Variants in DIDO1 observed in about 807,000 individuals in gnomAD.
DIDO1 encodes the protein death inducer-obliterator 1, also known as death-inducer obliterator 1.
DIDO1 carries 16 observed loss-of-function variants against 99.4 expected under a neutral mutation model. The observed-to-expected ratio is 0.16, with a 90% CI of 0.11 to 0.24. The LOEUF is 0.24. DIDO1 is among the 10% of genes least tolerant of loss of function. The pLI is 1.00. For missense variants in DIDO1, 2,996 were observed against 3,014.0 expected (o/e 0.99, Z 0.14); for synonymous variants, 1,366 against 1,239.1 (o/e 1.10, Z -2.15).
chr20:62,894,101 C>A lies in DIDO1; in HGVS notation c.2666G>T (p.Ser889Ile), dbSNP rs767073365. ...KKEDLKSKHD[S>I]SAPDPAPDSA... ...ATCCGGAGCTGGGTCAGGTGCAGAG[C>A]TGTCATGCTTTGATTTTAAGTCTTC... Residue 889 changes from serine to isoleucine, a missense_variant, in exon 12 of 16, where the codon AGC (serine) becomes ATC (isoleucine). Transcript: ENST00000395343. The surrounding 1 kb of genome is among the most constrained non-coding windows in gnomAD (Gnocchi z 4.4). 2.9e-5 allele frequency: 47 copies of A among 1,614,116 alleles called. No homozygotes were observed. The highest frequency in any genetic ancestry group is 3.9e-5 in the Non-Finnish European group (46 of 1,180,056).
rs1197053912 is a variant in DIDO1, at chr20:62,909,823, T to C, written c.1037A>G (p.Asp346Gly). ...QEAKWRPGDADGTDCTSIGTI... is the reference protein window; with the variant it reads ...QEAKWRPGDAGGTDCTSIGTI... ...TCCTATACTTGTACAATCGGTGCCA[T>C]CAGCATCTCCAGGTCTCCATTTAGC... is the stretch of plus-strand genomic sequence containing the variant. Residue 346 changes from aspartate to glycine, a missense_variant, in exon 4 of 16, where the codon GAT becomes GGT. Transcript: ENST00000395343. The C allele has an allele frequency of 6.2e-7, 1 of 1,614,134 alleles. No homozygotes were observed. The highest frequency in any genetic ancestry group is 8.5e-7 in the Non-Finnish European group (1 of 1,180,052).
chr20:62,884,814 A>G (rs569581531), intron 15 of DIDO1, among the ~76,000 whole-genome samples: 4 of 151,278 alleles, frequency 2.6e-5, no homozygotes, highest in Admixed American at 2.0e-4. Context: ...CCTCCTCTTC[A>G]CTCTCTGTCC....
chr20:62,905,244 T>C (rs967899784), intron 6 of DIDO1: 6 of 1,317,246 alleles, frequency 4.6e-6, no homozygotes, highest in Middle Eastern at 2.9e-4. Flanking sequence ...GTTCTAGGTG[T>C]GAACTCACTT....
In DIDO1 at chr20:62,911,458, G is replaced by A. The variant is rs1370592318; in HGVS notation, c.155C>T (p.Pro52Leu). ...GGACAGGCCCAGCTGCTGCTGTGGGGGTGGCGGCTCCAGTGGGTCAGCCTC... is the reference window on the plus strand; with the variant it reads ...GGACAGGCCCAGCTGCTGCTGTGGGAGTGGCGGCTCCAGTGGGTCAGCCTC... ...DAEADPLEPP[P>L]PQQQLGLSLR... The change falls in exon 3 of 16, where the codon CCC becomes CTC. Residue 52 changes from proline to leucine, a missense_variant. This residue lies in a region of DIDO1 where 388 missense variants were observed against 376.6 expected (regional missense o/e 1.03). Transcript: ENST00000395343. This position sits in a 1 kb window ranked among gnomAD's most constrained non-coding sequence, Gnocchi z 7.0. 8 of 1,612,184 alleles carry A rather than the reference G, an allele frequency of 5.0e-6. No individual in the cohort carries two copies. In the East Asian group the frequency reaches 1.8e-4, roughly 36 times the overall value.
In DIDO1 at chr20:62,894,135, C is replaced by T. The variant is rs990318115; in HGVS notation, c.2632G>A (p.Val878Ile). The T allele has an allele frequency of 4.3e-6, 7 of 1,614,098 alleles. No individual in the cohort carries two copies. In the Admixed American group the frequency reaches 6.7e-5, roughly 15 times the overall value. Reference sequence around the variant, plus strand: ...TTTGATTTTAAGTCTTCTTTCTTAACAGAAGCTGACAATTTTTGTTTTTTC... The same window carrying T: ...TTTGATTTTAAGTCTTCTTTCTTAATAGAAGCTGACAATTTTTGTTTTTTC... ...APKKQKLSAS[V>I]KKEDLKSKHD... Residue 878 changes from valine (V) to isoleucine (I), a missense_variant, in exon 12 of 16, where the codon GTT (valine) becomes ATT (isoleucine). By Grantham distance (29) the Val-to-Ile change is conservative. This residue lies in a region of DIDO1 where 898 missense variants were observed against 972.7 expected (regional missense o/e 0.92). Transcript: ENST00000395343. The surrounding 1 kb of genome is among the most constrained non-coding windows in gnomAD (Gnocchi z 4.4).
intron 6 of DIDO1, chr20:62,905,605 A>G: frequency 6.4e-7 from 1 of 1,551,884 alleles, no homozygotes; most frequent in Non-Finnish European, 8.7e-7. Flanking sequence ...CCAGAGCCTG[A>G]GAGTGAAAAC....
intron 1 of DIDO1, among the ~76,000 whole-genome samples, chr20:62,922,652 C>T (rs2065177788): frequency 6.6e-6 from 1 of 152,188 alleles, no homozygotes; most frequent in Non-Finnish European, 1.5e-5. Flanking sequence ...TTTTCTGAAG[C>T]GACATCCTGT....
intron 1 of DIDO1, among the ~76,000 whole-genome samples, chr20:62,932,880 C>T (rs2065345264): frequency 6.6e-6 from 1 of 152,188 alleles, no homozygotes; most frequent in Non-Finnish European, 1.5e-5. Context: ...AGTGAAGATT[C>T]TTTACAGGGT....
At chr20:62,929,692 AGTGT>A (rs1270790657), upstream of DIDO1, among the ~76,000 whole-genome samples, 20 of 63,722 alleles carry the variant, frequency 3.1e-4, no homozygotes, top group African/African-American at 1.4e-3. Context: ...AAAAAGAAAA[AGTGT>A]ATATATATAT....
At chr20:62,921,536 T>C (rs117784873) in intron 1 of DIDO1, among the ~76,000 whole-genome samples, 1,569 of 152,272 alleles carry the variant, frequency 0.01, 14 homozygotes, top group South Asian at 0.024. Flanking sequence ...CCAAGTGAGA[T>C]GATGGCCACC....
At position 62,880,730 on chromosome 20, in the gene DIDO1, T is replaced by C; in HGVS notation, c.5226A>G (p.Lys1742=). ...GAAACGGGGGCTGAGAGCCCCCCAC[T>C]TTCTGTCCTGGTGGGGGGAGCGGGG... is the stretch of plus-strand genomic sequence containing the variant. ...GTAPLPPPGQ[K]VGGSQPPFQG... is the part of the protein sequence containing the mutation. The change falls in exon 16 of 16, where the codon AAA becomes AAG. Residue 1742 remains lysine (K), a synonymous_variant. Transcript: ENST00000395343. 1.2e-6 allele frequency: 2 copies of C among 1,612,682 alleles called. No individual in the cohort carries two copies. The highest frequency in any genetic ancestry group is 1.7e-6 in the Non-Finnish European group (2 of 1,179,872).
Position 62,907,959 on chromosome 20 carries a change from GC to G in DIDO1, c.1162-601del, listed in dbSNP as rs539073432. ...ATGAGTAATTTTTCAGTGTAAGTAT[GC>G]CCCCCAAATTGCATGAAACATACTT... On this transcript the variant is annotated intron_variant, in intron 4 of 15. Coordinates refer to ENST00000395343, the MANE Select transcript of DIDO1 (RefSeq NM_001193369.2). Among the ~76,000 whole-genome samples the G allele has an allele frequency of 6.8e-4, 103 of 152,200 alleles. 1 individual carries two copies. The highest frequency in any genetic ancestry group is 2.0e-3 in the African/African-American group (85 of 41,524).
chr20:62,937,575 T>TA (rs1433066113), intron 1 of DIDO1, among the ~76,000 whole-genome samples: 2 of 152,004 alleles, frequency 1.3e-5, no homozygotes, highest in Non-Finnish European at 2.9e-5. Flanking sequence ...ACATCTCGAG[T>TA]AAAGCGGGGG....
chr20:62,927,736 C>T (rs1461555410), upstream of DIDO1, among the ~76,000 whole-genome samples: 2 of 152,186 alleles, frequency 1.3e-5, no homozygotes, highest in African/African-American at 2.4e-5. Context: ...TTAATAATAC[C>T]GCTGAAGATT....
Position 62,893,738 on chromosome 20 carries a change from T to G in DIDO1, c.3029A>C (p.Lys1010Thr), listed in dbSNP as rs1175447367. ...KPVLTSVMVP[K>T]SILAKPSSSP... ...TGAGGATGGCTTAGCTAGTATGGAC[T>G]TGGGCACCATCACAGAAGTCAAGAC... The change falls in exon 12 of 16, where the codon AAG (lysine) becomes ACG (threonine). Residue 1010 changes from lysine (K) to threonine (T), a missense_variant. By Grantham distance (78) the Lys-to-Thr change is moderately conservative. Coordinates refer to ENST00000395343, the MANE Select transcript of DIDO1 (RefSeq NM_001193369.2). The G allele has an allele frequency of 8.7e-6, 14 of 1,614,092 alleles. No homozygotes were observed. The highest frequency in any genetic ancestry group is 1.1e-5 in the Non-Finnish European group (13 of 1,180,030).
Position 62,879,126 on chromosome 20 carries a change from C to G in DIDO1, c.*107G>C. ...CACAAAATTACAGTAATGTTTAAGT[C>G]CAGAATATTCTATCCTGAATCTAAG... On this transcript the variant is annotated 3_prime_UTR_variant, in exon 16 of 16. Coordinates refer to ENST00000395343, the MANE Select transcript of DIDO1 (RefSeq NM_001193369.2). This position sits in a 1 kb window ranked among gnomAD's most constrained non-coding sequence, Gnocchi z 6.3. 9.6e-7 allele frequency: 1 copy of G among 1,046,812 alleles called. No homozygotes were observed. The highest frequency in any genetic ancestry group is 2.1e-4 in the Middle Eastern group (1 of 4,690). The allele number at this position is 1,046,812 out of a possible 1,614,324, so 64.8% of individuals were successfully genotyped here. A position where few individuals can be genotyped will look rare whatever the true frequency, so the allele number is the denominator to read the frequency against.
chr20:62,933,418 T>C (rs912303999), intron 1 of DIDO1, among the ~76,000 whole-genome samples: 2 of 152,184 alleles, frequency 1.3e-5, no homozygotes, highest in Admixed American at 1.3e-4. Flanking sequence ...AAAAGTAAGG[T>C]GGTTTGATTT....
intron 15 of DIDO1, chr20:62,888,386 T>C: frequency 1.0e-6 from 1 of 985,508 alleles, no homozygotes; most frequent in African/African-American, 1.7e-5. Context: ...AGCTCAAGGC[T>C]GGGGCGCCAG....
At chr20:62,887,773 G>A (rs1431745066) in intron 15 of DIDO1, 2 of 985,454 alleles carry the variant, frequency 2.0e-6, no homozygotes, top group Non-Finnish European at 2.4e-6. Flanking sequence ...GGGACTCTGC[G>A]ACCCCAAGTC....
Sources: gnomAD v4.1 joint callset for allele counts (sites outside exome capture counted in the v4.1 genomes callset) on GRCh38, gnomAD v4.1.1 for gene constraint, gnomAD v4.1.1 regional missense constraint, Gnocchi (gnomAD v3.1) non-coding constraint, MANE v1.5 for transcripts, NCBI Gene and HGNC (gene_info 2026-07-23, HGNC 2026-07-21) for gene names.